Variants in MTMR11 observed in about 807,000 individuals in gnomAD.
The protein encoded by MTMR11 is myotubularin-related protein 11.
A neutral mutation model predicts 100.0 loss-of-function variants in MTMR11; 89 were observed. The observed-to-expected ratio is 0.89, with a 90% confidence interval of 0.75 to 1.06. MTMR11 has a LOEUF of 1.06. Ranked by LOEUF, MTMR11 falls within the 50% of genes least tolerant of loss-of-function variation. MTMR11 has a pLI of 0.00. For missense variants in MTMR11, 809 were observed against 873.7 expected (o/e 0.93, Z 0.93); for synonymous variants, 336 against 326.3 (o/e 1.03, Z -0.32).
chr1:149,929,513 C>A (rs937873189), intron 16 of MTMR11, 110 bp downstream of exon 16: 1 of 1,366,866 alleles, frequency 7.3e-7, no homozygotes, highest in Non-Finnish European at 1.0e-6. Context: ...AGTAGAACTT[C>A]ACTTCCCAGA....
At chr1:149,936,442 G>T (rs966750655) in intron 1 of MTMR11, 140 bp downstream of exon 1, 5 of 1,380,880 alleles carry the variant, frequency 3.6e-6, no homozygotes, top group Non-Finnish European at 3.9e-6. Context: ...TGAGAAAGAC[G>T]GACCAGGCTC....
intron 13 of MTMR11, 118 bp downstream of exon 13, chr1:149,931,142 C>G (rs1553767529): frequency 3.4e-6 from 5 of 1,450,880 alleles, no homozygotes; most frequent in Non-Finnish European, 2.8e-6. Flanking sequence ...ATCTTCGTCC[C>G]AGCCTAACCT....
Position 149,930,362 on chromosome 1 carries a change from C to T in MTMR11, c.1647+3G>A. ...GGGAATTTAGGAAGTTTAGACACTT[C>T]ACCTGTGGTCTAGGGAGCCAGGAAT... On this transcript the variant is annotated splice_donor_region_variant and intron_variant, in intron 15 of 16. Transcript: ENST00000439741. 1.2e-6 allele frequency: 2 copies of T among 1,611,854 alleles called. No homozygotes were observed. Among genetic ancestry groups the T allele is most frequent in the Non-Finnish European group, 1.7e-6 (2 of 1,178,390 alleles).
Position 149,929,781 on chromosome 1 carries a change from G to T in MTMR11, c.1783C>A (p.Pro595Thr). 1 of 1,614,216 alleles carries T rather than the reference G, an allele frequency of 6.2e-7. No homozygotes were observed. Among genetic ancestry groups the T allele is most frequent in the Non-Finnish European group, 8.5e-7 (1 of 1,180,046 alleles). ...LAVSSRWLPR[P>T]AISSESLADQ... ...GCCAGGCTTTCAGAGGAGATAGCAGGTCGAGGGAGCCAACGAGAAGAGACT... is the reference window on the plus strand; with the variant it reads ...GCCAGGCTTTCAGAGGAGATAGCAGTTCGAGGGAGCCAACGAGAAGAGACT... The change falls in exon 16 of 17, where the codon CCT (proline) becomes ACT (threonine). Residue 595 changes from proline (P) to threonine (T), a missense_variant. Physicochemically the swap from Pro to Thr is conservative, Grantham distance 38. Coordinates refer to ENST00000439741, the MANE Select transcript of MTMR11 (RefSeq NM_001145862.2).
chr1:149,934,410 T>C (rs1206396941), intron 6 of MTMR11, 38 bp downstream of exon 6: 1 of 1,613,694 alleles, frequency 6.2e-7, no homozygotes. Context: ...TCCTCTGCTT[T>C]TTCAGACTCT....
intron 2 of MTMR11, 62 bp downstream of exon 2, chr1:149,936,092 T>G: frequency 6.5e-7 from 1 of 1,535,490 alleles, no homozygotes; most frequent in Non-Finnish European, 9.0e-7. Context: ...GGTGAGGGCA[T>G]GAAACAAGAT....
At chr1:149,936,125 G>T (rs782211163) in intron 2 of MTMR11, 29 bp downstream of exon 2, 7 of 1,596,562 alleles carry the variant, frequency 4.4e-6, no homozygotes, top group Non-Finnish European at 6.0e-6. Flanking sequence ...AAATTTGGAA[G>T]TCTTTGGAGA....
chr1:149,931,126 A>T (rs183045723), intron 13 of MTMR11, 134 bp downstream of exon 13: 1 of 1,395,118 alleles, frequency 7.2e-7, no homozygotes, highest in African/African-American at 1.5e-5. Context: ...GGCCTCACTC[A>T]TCAGGATCTT....
chr1:149,934,374 G>A (rs1553768527), intron 6 of MTMR11, 48 bp from the exon 7 acceptor site: 1 of 1,613,742 alleles, frequency 6.2e-7, no homozygotes, highest in South Asian at 1.1e-5. Flanking sequence ...ATCAGAGACA[G>A]CTTCTCAGCT....
In MTMR11 at chr1:149,934,297, TTGG is replaced by T. The variant is rs1187707742; in HGVS notation, c.574_576del (p.Pro192del). The T allele has an allele frequency of 1.9e-6, 3 of 1,614,084 alleles. No homozygotes were observed. The highest frequency in any genetic ancestry group is 1.3e-5 in the African/African-American group (1 of 74,932). ...TCTTCCGCTGTCTCCATGAGAGGAA[TTGG>T]TGGTTTTCTGGAGCCAGAACCCTGG... On this transcript the variant is annotated inframe_deletion, in exon 7 of 17. Transcript: ENST00000439741.
At chr1:149,932,164 C>T (rs1467100256) in intron 11 of MTMR11, 100 bp downstream of exon 11, 18 of 1,425,464 alleles carry the variant, frequency 1.3e-5, no homozygotes, top group East Asian at 4.6e-5. Context: ...CTTGGGAAAC[C>T]GAGGAGAAGA....
intron 8 of MTMR11, 26 bp downstream of exon 8, chr1:149,933,826 ACAG>A (rs1553768246): frequency 1.2e-6 from 2 of 1,611,516 alleles, no homozygotes; most frequent in South Asian, 2.2e-5. Flanking sequence ...CCTCTAATCC[ACAG>A]CCATTACCCT....
intron 10 of MTMR11, among the ~76,000 whole-genome samples, chr1:149,932,817 G>A (rs1011052375): frequency 6.6e-5 from 10 of 151,942 alleles, no homozygotes; most frequent in Non-Finnish European, 1.5e-4. Flanking sequence ...CAGGCATGGT[G>A]GCAGGCGCCT....
rs142507511 is a variant in MTMR11, at chr1:149,929,646, G to A, written c.1918C>T (p.Leu640=). ...PQIRLWRRCY[L]RGRPEVQMGL... ...ACCTGGACCTCAGGCCTTCCCCTCA[G>A]GTAGCAGCGTCTCCAGAGCCTGATC... is the stretch of plus-strand genomic sequence containing the variant. Residue 640 remains leucine (L), a synonymous_variant, in exon 16 of 17, where the codon CTG becomes TTG. Transcript: ENST00000439741. 2.7e-5 allele frequency: 43 copies of A among 1,613,012 alleles called. No homozygotes were observed. Among genetic ancestry groups the A allele is most frequent in the Non-Finnish European group, 3.4e-5 (40 of 1,179,818 alleles).
intron 15 of MTMR11, chr1:149,930,153 A>G (rs1442993920): frequency 4.4e-6 from 3 of 678,158 alleles, no homozygotes; most frequent in Non-Finnish European, 7.4e-6. Flanking sequence ...ATGAGTAAAC[A>G]GACTTGAGGA....
rs1303949673 is a variant in MTMR11 at position 149,932,258 on chromosome 1, G to A, written c.1052+6C>T. 8.7e-6 allele frequency: 14 copies of A among 1,612,832 alleles called. No individual in the cohort carries two copies. Among genetic ancestry groups the A allele is most frequent in the Non-Finnish European group, 1.2e-5 (14 of 1,178,942 alleles). On this transcript the variant is annotated splice_donor_region_variant and intron_variant, in intron 11 of 16. Transcript: ENST00000439741. The stretch of plus-strand genomic sequence containing the variant: ...TAAATGATGGCTAGAAGAAGCGAGG[G>A]AGTACCTGACATAGTCCAGCCATCG...
Position 149,933,925 on chromosome 1 carries a change from C to T in MTMR11, c.701G>A (p.Trp234Ter). The change falls in exon 8 of 17, where the codon TGG becomes TAG. Residue 234 changes from tryptophan to a stop codon, truncating the protein, a stop_gained. Coordinates refer to ENST00000439741, the MANE Select transcript of MTMR11 (RefSeq NM_001145862.2). LOFTEE classifies it high-confidence loss of function. ...DVATSLPRYF[W>*]VPNRILDSEV... ...ACTGTCCAGAATTCGGTTAGGGACC[C>T]AGAAGTAACGGGGGAGGCTGTGAAA... 6.2e-7 allele frequency: 1 copy of T among 1,614,120 alleles called. No individual in the cohort carries two copies. Among genetic ancestry groups the T allele is most frequent in the Non-Finnish European group, 8.5e-7 (1 of 1,179,948 alleles).
intron 12 of MTMR11, 124 bp downstream of exon 12, chr1:149,931,820 T>C (rs1378536403): frequency 2.5e-6 from 2 of 812,936 alleles, no homozygotes; most frequent in Non-Finnish European, 4.1e-6. Context: ...AGAGTAGAGC[T>C]CGCAGGTAGT....
Position 149,934,265 on chromosome 1 carries a change from C to T in MTMR11, c.609G>A (p.Glu203=), listed in dbSNP as rs1553768446. 2 of 1,614,186 alleles carry T rather than the reference C, an allele frequency of 1.2e-6. No individual in the cohort carries two copies. The highest frequency in any genetic ancestry group is 1.7e-6 in the Non-Finnish European group (2 of 1,180,048). The change falls in exon 7 of 17, where the codon GAG becomes GAA. Residue 203 remains glutamate (E), a synonymous_variant. Coordinates refer to ENST00000439741, the MANE Select transcript of MTMR11 (RefSeq NM_001145862.2). ...TGGCTGCCTGCTTCTTCCGCTCAGT[C>T]TCCCAGTCTTCCGCTGTCTCCATGA... ...IPLMETAEDW[E]TERKKQAARG...
Sources: allele counts gnomAD v4.1 joint callset (sites outside exome capture counted in the v4.1 genomes callset), GRCh38; gene constraint gnomAD v4.1.1; transcripts MANE v1.5; gene names NCBI Gene and HGNC (gene_info 2026-07-23, HGNC 2026-07-21).